Variants in CXCL13 observed in about 807,000 individuals in gnomAD.
The protein encoded by CXCL13 is C-X-C motif chemokine ligand 13.
Under a neutral mutation model 12.2 loss-of-function variants are expected in CXCL13, and 7 were observed. The ratio of observed to expected loss-of-function variants is 0.57; its 90% CI spans 0.33 to 1.07. CXCL13 has a LOEUF of 1.07. Ranked by LOEUF, CXCL13 falls within the 50% of genes least tolerant of loss-of-function variation. The pLI, the probability that CXCL13 is intolerant of heterozygous loss-of-function variation, is 0.04. For synonymous variants in CXCL13, 47 were observed against 42.4 expected (o/e 1.11, Z -0.42); for missense variants, 113 against 127.4 (o/e 0.89, Z 0.55).
chr4:77,557,484 G>A (rs750789093), intron 1 of CXCL13, among the ~76,000 whole-genome samples: 16 of 152,330 alleles, frequency 1.1e-4, no homozygotes, highest in Admixed American at 2.0e-4. Flanking sequence ...TACTCATGTA[G>A]ATGGAATCAT....
intron 1 of CXCL13, among the ~76,000 whole-genome samples, chr4:77,528,622 C>A (rs188092102): frequency 1.3e-4 from 20 of 151,946 alleles, no homozygotes; most frequent in South Asian, 2.1e-4. Flanking sequence ...TTTTGATGGG[C>A]CTGTTTGTTT....
chr4:77,604,440 C>A (rs1224524879), upstream of CXCL13, among the ~76,000 whole-genome samples: 1 of 152,040 alleles, frequency 6.6e-6, no homozygotes, highest in African/African-American at 2.4e-5. Context: ...ACTGGCACAC[C>A]CTGCCTTCAT....
intron 1 of CXCL13, among the ~76,000 whole-genome samples, chr4:77,552,986 G>A (rs780586257): frequency 7.9e-5 from 12 of 152,188 alleles, no homozygotes; most frequent in African/African-American, 1.9e-4. Flanking sequence ...TGAAGAGTGC[G>A]GCTGCTCAGG....
chr4:77,566,511 T>C (rs1725926656), intron 1 of CXCL13, among the ~76,000 whole-genome samples: 1 of 152,168 alleles, frequency 6.6e-6, no homozygotes, highest in Non-Finnish European at 1.5e-5. Flanking sequence ...AAAATTGGAT[T>C]ATAGCAATAA....
Position 77,528,956 on chromosome 4 carries a change from T to G in CXCL13, c.-43+17168T>G, listed in dbSNP as rs1410592102. On this transcript the variant is annotated intron_variant, in intron 1 of 4. Coordinates refer to the CXCL13 transcript ENST00000286758. ...AATCCATCTTGAATTAATTTTTGTA[T>G]AAGGTGTAAGGAAGGGATCCAGTTT... Among the ~76,000 whole-genome samples the G allele has an allele frequency of 2.0e-5, 3 of 152,198 alleles. No homozygotes were observed. In the East Asian group the frequency reaches 5.8e-4, roughly 29 times the overall value.
intron 1 of CXCL13, among the ~76,000 whole-genome samples, chr4:77,529,682 C>T (rs1007140423): frequency 3.4e-4 from 52 of 152,278 alleles, no homozygotes; most frequent in Non-Finnish European, 5.3e-4. Context: ...TGGGCAGCGA[C>T]GATGGGGTTT....
intron 1 of CXCL13, among the ~76,000 whole-genome samples, chr4:77,516,741 G>C (rs1178061964): frequency 6.6e-6 from 1 of 151,256 alleles, no homozygotes; most frequent in African/African-American, 2.4e-5. Flanking sequence ...CAATTTTGTT[G>C]ATCCATTCAA....
At chr4:77,603,742 C>T (rs72861971), upstream of CXCL13, among the ~76,000 whole-genome samples, 4,344 of 152,164 alleles carry the variant, frequency 0.029, 177 homozygotes, top group African/African-American at 0.094. Flanking sequence ...CTAAACACCT[C>T]ACTTTGAGAA....
chr4:77,563,364 G>A (rs1725859094), intron 1 of CXCL13, among the ~76,000 whole-genome samples: 1 of 152,162 alleles, frequency 6.6e-6, no homozygotes, highest in African/African-American at 2.4e-5. Context: ...TTACACTACA[G>A]CTTACAGTTT....
chr4:77,512,511 T>C (rs544210453), intron 1 of CXCL13, among the ~76,000 whole-genome samples: 9 of 152,316 alleles, frequency 5.9e-5, no homozygotes, highest in Admixed American at 2.0e-4. Context: ...CTTCCCTCTT[T>C]GGCTTGTAAA....
At chr4:77,540,182 T>A (rs1035661483) in intron 1 of CXCL13, among the ~76,000 whole-genome samples, 16 of 152,076 alleles carry the variant, frequency 1.1e-4, no homozygotes, top group African/African-American at 1.9e-4. Context: ...ATAGAAAAAA[T>A]TTTTATACAC....
intron 1 of CXCL13, among the ~76,000 whole-genome samples, chr4:77,575,288 C>A (rs1340426014): frequency 2.6e-5 from 4 of 151,710 alleles, no homozygotes; most frequent in Non-Finnish European, 5.9e-5. Flanking sequence ...TGTTTTAAAC[C>A]TCCAACTTTT....
chr4:77,608,217 G>C (rs1727040570), intron 2 of CXCL13, among the ~76,000 whole-genome samples: 1 of 152,080 alleles, frequency 6.6e-6, no homozygotes, highest in South Asian at 2.1e-4. Context: ...GAGGAGGGCG[G>C]ATCACCTGAG....
intron 1 of CXCL13, among the ~76,000 whole-genome samples, chr4:77,531,762 A>G (rs1724924402): frequency 6.6e-6 from 1 of 152,172 alleles, no homozygotes; most frequent in Non-Finnish European, 1.5e-5. Context: ...TAGGATAGTT[A>G]GCTCTTCTTG....
chr4:77,513,758 C>T (rs1248241319), intron 1 of CXCL13, among the ~76,000 whole-genome samples: 1 of 151,932 alleles, frequency 6.6e-6, no homozygotes. Flanking sequence ...GGCCTGTTTC[C>T]TGACTTTTTA....
At chr4:77,526,235 T>C (rs1356789377) in intron 1 of CXCL13, among the ~76,000 whole-genome samples, 3 of 151,834 alleles carry the variant, frequency 2.0e-5, no homozygotes, top group Admixed American at 6.6e-5. Flanking sequence ...ATGGCAAATA[T>C]TAAATAAACA....
At chr4:77,558,925 C>A (rs1188205142) in intron 1 of CXCL13, among the ~76,000 whole-genome samples, 4 of 152,082 alleles carry the variant, frequency 2.6e-5, no homozygotes, top group Admixed American at 6.5e-5. Context: ...TGCCTTTCAC[C>A]CCTAGCTTAT....
intron 1 of CXCL13, among the ~76,000 whole-genome samples, chr4:77,587,074 A>G (rs1235650821): frequency 1.3e-5 from 2 of 152,174 alleles, no homozygotes; most frequent in African/African-American, 4.8e-5. Flanking sequence ...GGAACCTAGT[A>G]TTGAAACTTG....
chr4:77,603,063 T>C (rs997809598), upstream of CXCL13, among the ~76,000 whole-genome samples: 1 of 152,202 alleles, frequency 6.6e-6, no homozygotes, highest in Non-Finnish European at 1.5e-5. Flanking sequence ...TGGTCCTATT[T>C]TTAATAGCAG....
Sources: allele counts gnomAD v4.1 joint callset (sites outside exome capture counted in the v4.1 genomes callset), GRCh38; gene constraint gnomAD v4.1.1; transcripts MANE v1.5; gene names NCBI Gene and HGNC (gene_info 2026-07-23, HGNC 2026-07-21).